The following STAM2 variants were observed in gnomAD, a reference collection of about 807,000 sequenced individuals.
STAM2 encodes signal transducing adaptor molecule 2.
A neutral mutation model predicts 65.6 loss-of-function variants in STAM2; 51 were observed. That is an observed-to-expected ratio of 0.78 (90% CI 0.62 to 0.98). The LOEUF is 0.98. STAM2 is among the 50% of genes least tolerant of loss of function. The probability of loss-of-function intolerance (pLI) is 0.00; values close to 1 mark genes in which losing one functional copy is unlikely to be tolerated. For missense variants in STAM2, 584 were observed against 617.8 expected, an observed-to-expected ratio of 0.95 and a Z score of 0.58; for synonymous variants, 198 against 208.4, an observed-to-expected ratio of 0.95 and a Z score of 0.43.
intron 1 of STAM2, among the ~76,000 whole-genome samples, chr2:152,174,920 G>C (rs146915789): frequency 4.0e-4 from 61 of 152,270 alleles, no homozygotes; most frequent in African/African-American, 1.4e-3. Context: ...GTCACTGAGA[G>C]ACCAGCGCTT....
At chr2:152,148,336 T>C (rs1443096048) in intron 2 of STAM2, 36 bp from the exon 3 acceptor site, 1 of 1,472,038 alleles carries the variant, frequency 6.8e-7, no homozygotes, top group Non-Finnish European at 9.4e-7. Context: ...CAGTTAAGTA[T>C]TTACTGATAA....
chr2:152,144,060 A>G, intron 6 of STAM2, 47 bp from the exon 7 acceptor site: 2 of 1,492,306 alleles, frequency 1.3e-6, no homozygotes, highest in Non-Finnish European at 1.8e-6. Flanking sequence ...TAATTTTGAT[A>G]AAATAAACAT....
chr2:152,142,242 CTTTTT>C (rs913513735), intron 7 of STAM2, among the ~76,000 whole-genome samples: 1 of 152,086 alleles, frequency 6.6e-6, no homozygotes, highest in Non-Finnish European at 1.5e-5. Context: ...TAAAAAAGTT[CTTTTT>C]TGAGGTGATA....
intron 7 of STAM2, among the ~76,000 whole-genome samples, chr2:152,142,964 TA>T (rs1689275817): frequency 6.6e-6 from 1 of 152,170 alleles, no homozygotes; most frequent in Non-Finnish European, 1.5e-5. Flanking sequence ...GCACCAAGTG[TA>T]AATCTGCTAT....
intron 1 of STAM2, among the ~76,000 whole-genome samples, chr2:152,170,256 C>T (rs939201249): frequency 6.6e-5 from 10 of 151,350 alleles, no homozygotes; most frequent in Non-Finnish European, 1.3e-4. Flanking sequence ...CCAAGACGGG[C>T]GGATCACGAG....
Position 152,126,225 on chromosome 2 carries a change from C to A in STAM2, c.1179+1G>T. ...AAAATGTTCTCAAAAAACATGCTCA[C>A]CTGCATTGGAACCCCAGATGATGCA... On this transcript the variant is annotated splice_donor_variant, in intron 12 of 13. Coordinates refer to ENST00000263904, the MANE Select transcript of STAM2 (RefSeq NM_005843.6). LOFTEE classifies it high-confidence loss of function. The A allele has an allele frequency of 1.3e-6, 2 of 1,578,170 alleles. No homozygotes were observed. The highest frequency in any genetic ancestry group is 2.3e-5 in the East Asian group (1 of 43,232).
intron 5 of STAM2, 89 bp downstream of exon 5, chr2:152,147,073 A>C: frequency 8.1e-7 from 1 of 1,241,006 alleles, no homozygotes; most frequent in South Asian, 1.9e-5. Context: ...GGAAAATGAT[A>C]ATCTAGACAT....
At chr2:152,175,071 T>A (rs2105576488) in intron 1 of STAM2, among the ~76,000 whole-genome samples, 1 of 152,232 alleles carries the variant, frequency 6.6e-6, no homozygotes, top group South Asian at 2.1e-4. Flanking sequence ...CCTTTACAAT[T>A]GTAATAAATC....
intron 1 of STAM2, among the ~76,000 whole-genome samples, chr2:152,174,446 T>C (rs1689971378): frequency 1.3e-5 from 2 of 152,184 alleles, no homozygotes; most frequent in African/African-American, 4.8e-5. Flanking sequence ...AAAAGTTTAA[T>C]GAAGTAAGGA....
At chr2:152,163,722 CCCTAGGAAAAGAATTGCATT>C (rs1181057658) in intron 1 of STAM2, among the ~76,000 whole-genome samples, 1 of 152,080 alleles carries the variant, frequency 6.6e-6, no homozygotes, top group African/African-American at 2.4e-5. Context: ...AATATTAAGA[CCCTAGGAAAAGAATTGCATT>C]CCTGGGAAGA....
At chr2:152,124,320 C>T (rs1688914121) in intron 12 of STAM2, 1 of 161,544 alleles carries the variant, frequency 6.2e-6, no homozygotes, top group Non-Finnish European at 1.3e-5. Flanking sequence ...AGAATGATAA[C>T]CTTCTTTACC....
intron 11 of STAM2, among the ~76,000 whole-genome samples, chr2:152,131,401 C>T (rs1010128999): frequency 3.9e-5 from 6 of 151,902 alleles, no homozygotes; most frequent in Non-Finnish European, 7.4e-5. Flanking sequence ...TGCAGTGAGC[C>T]GAGATCATGC....
At chr2:152,138,828 G>A (rs902792225) in intron 7 of STAM2, among the ~76,000 whole-genome samples, 1 of 152,160 alleles carries the variant, frequency 6.6e-6, no homozygotes, top group African/African-American at 2.4e-5. Context: ...TTGAAAAGGA[G>A]AGCTGAACTT....
intron 8 of STAM2, 109 bp downstream of exon 8, chr2:152,135,400 G>C (rs924903485): frequency 5.2e-6 from 4 of 771,296 alleles, no homozygotes; most frequent in Non-Finnish European, 8.6e-6. Flanking sequence ...ATAAAGAAAT[G>C]ATTTAAAACA....
chr2:152,155,281 C>A (rs1192179210), intron 1 of STAM2, among the ~76,000 whole-genome samples: 1 of 152,216 alleles, frequency 6.6e-6, no homozygotes, highest in Non-Finnish European at 1.5e-5. Flanking sequence ...AGGTGGGAAA[C>A]AACAGCAGAG....
intron 1 of STAM2, among the ~76,000 whole-genome samples, chr2:152,162,821 T>TA (rs397785843): frequency 9.3e-5 from 14 of 151,122 alleles, no homozygotes; most frequent in East Asian, 1.9e-4. Context: ...TTTTTTTTTT[T>TA]AATTTTTGTA....
intron 12 of STAM2, chr2:152,124,433 T>C (rs1420855238): frequency 6.5e-6 from 1 of 152,744 alleles, no homozygotes; most frequent in Non-Finnish European, 1.5e-5. Context: ...CCTGGCAATG[T>C]CTACCTTATT....
chr2:152,140,800 C>T (rs1324677299), intron 7 of STAM2, among the ~76,000 whole-genome samples: 1 of 152,142 alleles, frequency 6.6e-6, no homozygotes, highest in African/African-American at 2.4e-5. Context: ...TTTGGAACTG[C>T]AAGAATTCCA....
chr2:152,156,078 G>T (rs1355060939), intron 1 of STAM2, among the ~76,000 whole-genome samples: 2 of 152,120 alleles, frequency 1.3e-5, no homozygotes, highest in African/African-American at 4.8e-5. Context: ...AACTTTTCAT[G>T]ATATTTTTCC....
Sources: gnomAD v4.1 joint callset for allele counts (sites outside exome capture counted in the v4.1 genomes callset) on GRCh38, gnomAD v4.1.1 for gene constraint, MANE v1.5 for transcripts, NCBI Gene and HGNC (gene_info 2026-07-23, HGNC 2026-07-21) for gene names.